Variants in PRSS38 observed in about 807,000 individuals in gnomAD.
PRSS38 encodes marapsin 2.
A neutral mutation model predicts 26.8 loss-of-function variants in PRSS38; 22 were observed. That is an observed-to-expected ratio of 0.82 (90% confidence interval 0.59 to 1.17). The LOEUF (loss-of-function observed/expected upper bound fraction) is 1.17, where lower values mean the gene tolerates loss of function less well. PRSS38 is among the 50% of genes most tolerant of loss of function. PRSS38 has a pLI of 0.00. For missense variants in PRSS38, 427 were observed against 422.7 expected, an observed-to-expected ratio of 1.01 and a Z score of -0.09; for synonymous variants, 175 against 172.1, an observed-to-expected ratio of 1.02 and a Z score of -0.13.
exon 3 of PRSS38, chr1:227,817,387 G>A (rs1273710784): frequency 6.2e-7 from 1 of 1,614,212 alleles, no homozygotes; most frequent in Non-Finnish European, 8.5e-7. Flanking sequence ...TGTGTTTTCT[G>A]AGTCCGTGCT....
chr1:227,826,420 T>C (rs1253726703), intron 3 of PRSS38, among the ~76,000 whole-genome samples: 1 of 152,160 alleles, frequency 6.6e-6, no homozygotes, highest in Non-Finnish European at 1.5e-5. Flanking sequence ...TTACGTTTAA[T>C]AGAAGTGGTG....
At chr1:227,817,013 G>T (rs917084921) in intron 2 of PRSS38, among the ~76,000 whole-genome samples, 196 bp from the exon 3 acceptor site, 3 of 152,302 alleles carry the variant, frequency 2.0e-5, no homozygotes. Context: ...GGTCCCCAGA[G>T]CCTCCATGGG....
intron 3 of PRSS38, among the ~76,000 whole-genome samples, chr1:227,833,514 C>T (rs552499952): frequency 5.9e-5 from 7 of 119,096 alleles, no homozygotes; most frequent in East Asian, 4.5e-4. Context: ...GCAACAAGAG[C>T]GAGACTCCAT....
intron 3 of PRSS38, among the ~76,000 whole-genome samples, chr1:227,822,382 A>G (rs992746601): frequency 6.6e-6 from 1 of 151,248 alleles, no homozygotes; most frequent in Non-Finnish European, 1.5e-5. Flanking sequence ...TTTTTTTCTG[A>G]TTTTTGTTGT....
At chr1:227,837,266 G>C (rs771224817) in intron 3 of PRSS38, among the ~76,000 whole-genome samples, 15 of 152,326 alleles carry the variant, frequency 9.8e-5, no homozygotes, top group Admixed American at 2.6e-4. Flanking sequence ...AATCCGCCTT[G>C]CCAAGGTAAA....
chr1:227,845,838 C>CA lies in PRSS38; in HGVS notation c.727-115dup, dbSNP rs550561791. ...GTAGGGAGGCTGGGTGAGAGGGGGGCACTGGCCCCTTCCAGCAGGGTCTGC... is the reference window on the plus strand; with the variant it reads ...GTAGGGAGGCTGGGTGAGAGGGGGGCAACTGGCCCCTTCCAGCAGGGTCTGC... On this transcript the variant is annotated intron_variant, in intron 4 of 4. Transcript: ENST00000366757. The CA allele has an allele frequency of 1.5e-4, 208 of 1,418,164 alleles. 2 individuals are homozygous for CA. In the African/African-American group the frequency reaches 2.8e-3, roughly 19 times the overall value. 87.8% of individuals were successfully genotyped at this position (1,418,164 alleles called of 1,614,324 possible). A position where few individuals can be genotyped will look rare whatever the true frequency, so the allele number is the denominator to read the frequency against.
chr1:227,829,090 A>T (rs760869796), intron 3 of PRSS38, among the ~76,000 whole-genome samples: 1 of 152,058 alleles, frequency 6.6e-6, no homozygotes, highest in South Asian at 2.1e-4. Context: ...TTCATTCTCT[A>T]TGGGTGGACC....
chr1:227,841,083 C>A (rs961336651), intron 3 of PRSS38, among the ~76,000 whole-genome samples: 6 of 152,248 alleles, frequency 3.9e-5, no homozygotes, highest in African/African-American at 1.2e-4. Context: ...AGTGAGCAGG[C>A]CTGGTTCACC....
intron 3 of PRSS38, among the ~76,000 whole-genome samples, chr1:227,828,542 G>A (rs1665107621): frequency 6.6e-6 from 1 of 152,170 alleles, no homozygotes; most frequent in Non-Finnish European, 1.5e-5. Flanking sequence ...CGATAGGCTG[G>A]AATCTGCTTA....
chr1:227,815,700 G>A (rs1362651526), exon 1 of PRSS38: 2 of 1,564,214 alleles, frequency 1.3e-6, no homozygotes, highest in Middle Eastern at 2.1e-4. Context: ...CCCGCTGGGG[G>A]CGCTGCCTCG....
At chr1:227,826,267 TAAG>T (rs1170059397) in intron 3 of PRSS38, among the ~76,000 whole-genome samples, 1 of 152,210 alleles carries the variant, frequency 6.6e-6, no homozygotes, top group African/African-American at 2.4e-5. Flanking sequence ...CTTACCAGCT[TAAG>T]AAGCTTTTGG....
At chr1:227,845,760 C>G (rs528888487) in intron 4 of PRSS38, 148 bp downstream of exon 4, 7 of 1,193,346 alleles carry the variant, frequency 5.9e-6, no homozygotes, top group Non-Finnish European at 8.2e-6. Context: ...AATGTGTGAA[C>G]GCCGCATGCC....
chr1:227,846,376 A>G (rs1228845871), exon 5 of PRSS38: 1 of 865,476 alleles, frequency 1.2e-6, no homozygotes, highest in African/African-American at 1.7e-5. Context: ...GTACAAAAGA[A>G]AAAAGGGAAG....
intron 3 of PRSS38, among the ~76,000 whole-genome samples, chr1:227,824,052 C>T (rs1665037209): frequency 6.6e-6 from 1 of 152,068 alleles, no homozygotes. Flanking sequence ...AGAGGTTGTA[C>T]TAATTTTCTT....
At chr1:227,829,394 AT>A (rs1284003214) in intron 3 of PRSS38, among the ~76,000 whole-genome samples, 1 of 152,002 alleles carries the variant, frequency 6.6e-6, no homozygotes, top group African/African-American at 2.4e-5. Context: ...GATATTGAGC[AT>A]TTTTTCATAT....
intron 3 of PRSS38, among the ~76,000 whole-genome samples, chr1:227,842,308 C>T (rs1665349507): frequency 6.6e-6 from 1 of 152,184 alleles, no homozygotes; most frequent in South Asian, 2.1e-4. Flanking sequence ...TTCAGCTCTG[C>T]CCTCTCTCCC....
intron 3 of PRSS38, among the ~76,000 whole-genome samples, chr1:227,837,088 T>C (rs879908141): frequency 4.6e-5 from 7 of 152,228 alleles, no homozygotes; most frequent in Admixed American, 4.6e-4. Flanking sequence ...ACTCTTGGGC[T>C]CAAATGATCC....
chr1:227,842,151 G>A (rs1341132461), intron 3 of PRSS38, among the ~76,000 whole-genome samples: 1 of 152,170 alleles, frequency 6.6e-6, no homozygotes, highest in Admixed American at 6.5e-5. Context: ...ATTTGGAGTT[G>A]AATTTTAACA....
intron 3 of PRSS38, among the ~76,000 whole-genome samples, chr1:227,833,710 G>A (rs1234738017): frequency 6.6e-6 from 1 of 152,078 alleles, no homozygotes; most frequent in Non-Finnish European, 1.5e-5. Flanking sequence ...CATTCCATGG[G>A]GAAGGAACAG....
Sources: gnomAD v4.1 joint callset for allele counts (sites outside exome capture counted in the v4.1 genomes callset) on GRCh38, gnomAD v4.1.1 for gene constraint, MANE v1.5 for transcripts, NCBI Gene and HGNC (gene_info 2026-07-23, HGNC 2026-07-21) for gene names.